The following XKR9 variants were observed in gnomAD, a reference collection of about 807,000 sequenced individuals.
XKR9 encodes XK-related protein 9.
In XKR9, 32 loss-of-function variants were observed where a neutral mutation model predicts 32.0. The observed-to-expected ratio is 1.00, with a 90% confidence interval of 0.76 to 1.34. The LOEUF (loss-of-function observed/expected upper bound fraction) is 1.34. XKR9 is among the 40% of genes most tolerant of loss of function. The pLI, the probability that XKR9 is intolerant of heterozygous loss-of-function variation, is 0.00. For missense variants in XKR9, 546 were observed against 429.7 expected, an observed-to-expected ratio of 1.27 and a Z score of -2.39; for synonymous variants, 168 against 143.4, an observed-to-expected ratio of 1.17 and a Z score of -1.22.
At chr8:71,026,552 A>G in the XKR9 span, among the ~76,000 whole-genome samples, 29 of 152,348 alleles carry the variant, frequency 1.9e-4, no homozygotes, top group East Asian at 5.4e-3. Context: ...AGGTGGGAAA[A>G]CAATTGCTAT....
intron 3 of XKR9, among the ~76,000 whole-genome samples, chr8:70,698,042 A>T (rs1218882134): frequency 1.3e-5 from 2 of 152,044 alleles, no homozygotes; most frequent in Non-Finnish European, 2.9e-5. Context: ...CCCCTTTATC[A>T]TTTTTTATTT....
intron 2 of XKR9, among the ~76,000 whole-genome samples, chr8:70,754,898 C>A (rs1807196290): frequency 6.6e-6 from 1 of 152,108 alleles, no homozygotes; most frequent in Admixed American, 6.5e-5. Context: ...GCAACAAAAG[C>A]CAAAATTGAC....
the XKR9 span, among the ~76,000 whole-genome samples, chr8:70,959,154 A>G: frequency 6.6e-6 from 1 of 152,220 alleles, no homozygotes; most frequent in African/African-American, 2.4e-5. Context: ...TGATAGTTTT[A>G]AAAATGAGCA....
chr8:70,702,873 G>A (rs1350116187), intron 3 of XKR9, among the ~76,000 whole-genome samples: 1 of 152,032 alleles, frequency 6.6e-6, no homozygotes, highest in Non-Finnish European at 1.5e-5. Context: ...CTTTTAATTG[G>A]AGTGTTTAAT....
chr8:70,736,655 G>A (rs1806868661), downstream of XKR9, among the ~76,000 whole-genome samples: 1 of 152,062 alleles, frequency 6.6e-6, no homozygotes, highest in Non-Finnish European at 1.5e-5. Context: ...TAAGGTGTAA[G>A]GAAGGGATCC....
the XKR9 span, among the ~76,000 whole-genome samples, chr8:70,883,325 G>A: frequency 2.0e-5 from 3 of 152,052 alleles, no homozygotes; most frequent in African/African-American, 2.4e-5. Context: ...TTTCATGGCT[G>A]AGTAGTATTC....
At chr8:70,688,134 TAGA>T (rs1468283939) in intron 3 of XKR9, among the ~76,000 whole-genome samples, 1 of 152,234 alleles carries the variant, frequency 6.6e-6, no homozygotes, top group African/African-American at 2.4e-5. Context: ...GCACATGATC[TAGA>T]AAAGAGGTCT....
At chr8:70,978,849 C>G in the XKR9 span, among the ~76,000 whole-genome samples, 1 of 152,190 alleles carries the variant, frequency 6.6e-6, no homozygotes. Flanking sequence ...TGGTTCCATT[C>G]TCCGCGTCAC....
the XKR9 span, among the ~76,000 whole-genome samples, chr8:70,820,080 T>C: frequency 2.6e-5 from 4 of 152,096 alleles, no homozygotes; most frequent in African/African-American, 9.7e-5. Context: ...AGCAGGAAGG[T>C]CATTCTCTGA....
chr8:70,739,658 G>A (rs1315578736), downstream of XKR9, among the ~76,000 whole-genome samples: 2 of 152,086 alleles, frequency 1.3e-5, no homozygotes, highest in African/African-American at 4.8e-5. Context: ...TTTAGGGCAA[G>A]CTTGGTGGTG....
chr8:70,949,230 C>G, the XKR9 span, among the ~76,000 whole-genome samples: 1 of 152,034 alleles, frequency 6.6e-6, no homozygotes, highest in African/African-American at 2.4e-5. Context: ...CAAGTAGTAG[C>G]CTCAGGCAGC....
At chr8:70,767,470 C>T (rs1405406743) in intron 2 of XKR9, among the ~76,000 whole-genome samples, 5 of 140,076 alleles carry the variant, frequency 3.6e-5, no homozygotes, top group African/African-American at 5.1e-5. Context: ...TTTATTCTGT[C>T]TATTTGATTC....
intron 4 of XKR9, among the ~76,000 whole-genome samples, chr8:70,714,751 G>T (rs1305959241): frequency 6.6e-6 from 1 of 152,012 alleles, no homozygotes; most frequent in Non-Finnish European, 1.5e-5. Context: ...TATTGTTGAT[G>T]TCTTATTTAG....
chr8:70,995,998 A>G, the XKR9 span, among the ~76,000 whole-genome samples: 3 of 132,940 alleles, frequency 2.3e-5, no homozygotes, highest in South Asian at 2.2e-4. Context: ...AGAACCCACT[A>G]CCTTCTATTG....
intron 3 of XKR9, among the ~76,000 whole-genome samples, chr8:70,695,890 T>A (rs1039420517): frequency 4.0e-5 from 6 of 151,258 alleles, no homozygotes; most frequent in Non-Finnish European, 7.4e-5. Flanking sequence ...TGAGATGGTA[T>A]CTCATTGTGG....
At chr8:70,761,945 T>TGAA (rs1807315149) in intron 2 of XKR9, among the ~76,000 whole-genome samples, 3 of 152,174 alleles carry the variant, frequency 2.0e-5, no homozygotes, top group Admixed American at 2.0e-4. Flanking sequence ...CACCATTTAT[T>TGAA]AAATAGGGAA....
At chr8:71,052,981 G>T in the XKR9 span, among the ~76,000 whole-genome samples, 36 of 152,244 alleles carry the variant, frequency 2.4e-4, no homozygotes, top group African/African-American at 7.9e-4. Flanking sequence ...TTAGTCCAAT[G>T]GTACTTAAAA....
chr8:71,059,256 A>C, the XKR9 span, among the ~76,000 whole-genome samples: 1 of 152,266 alleles, frequency 6.6e-6, no homozygotes. Context: ...ATAGCAGCAC[A>C]CTGTCACAGA....
chr8:70,825,080 T>A, the XKR9 span, among the ~76,000 whole-genome samples: 2 of 152,100 alleles, frequency 1.3e-5, no homozygotes, highest in Non-Finnish European at 2.9e-5. Context: ...CTCTGGTTCT[T>A]TGTGTGAACT....
Sources: allele counts gnomAD v4.1 joint callset (sites outside exome capture counted in the v4.1 genomes callset), GRCh38; gene constraint gnomAD v4.1.1; transcripts MANE v1.5; gene names NCBI Gene and HGNC (gene_info 2026-07-23, HGNC 2026-07-21).